Variants in GRM7 observed in about 807,000 individuals in gnomAD.
The protein encoded by GRM7 is glutamate metabotropic receptor 7, also known as metabotropic glutamate receptor 7.
In GRM7, 35 loss-of-function variants were observed where a neutral mutation model predicts 84.5. The observed-to-expected ratio is 0.41, with a 90% confidence interval of 0.32 to 0.55. The LOEUF (loss-of-function observed/expected upper bound fraction) is 0.55, where lower values mean the gene tolerates loss of function less well. Ranked by LOEUF, GRM7 falls within the 20% of genes least tolerant of loss-of-function variation. The probability of loss-of-function intolerance (pLI) is 0.19; values close to 1 mark genes in which losing one functional copy is unlikely to be tolerated. For missense variants in GRM7, 1,003 were observed against 1,194.6 expected, an observed-to-expected ratio of 0.84 and a Z score of 2.36; for synonymous variants, 487 against 455.1, an observed-to-expected ratio of 1.07 and a Z score of -0.89.
intron 1 of GRM7, among the ~76,000 whole-genome samples, chr3:7,061,813 G>A (rs558107911): frequency 6.6e-6 from 1 of 151,746 alleles, no homozygotes; most frequent in South Asian, 2.1e-4. Context: ...TTAAAGCAAG[G>A]CAGCTAAAGT....
intron 9 of GRM7, among the ~76,000 whole-genome samples, chr3:7,722,156 C>T (rs779720130): frequency 5.3e-5 from 8 of 152,168 alleles, no homozygotes; most frequent in Non-Finnish European, 7.3e-5. Flanking sequence ...GGACCCCTTT[C>T]TGTCGAGAGA....
At chr3:7,017,584 G>A (rs769858196) in intron 1 of GRM7, among the ~76,000 whole-genome samples, 13 of 152,062 alleles carry the variant, frequency 8.5e-5, no homozygotes, top group East Asian at 3.9e-4. Flanking sequence ...ATATTTTCCC[G>A]AATCCGATGT....
At chr3:7,111,286 G>T (rs1275848641) in intron 1 of GRM7, among the ~76,000 whole-genome samples, 1 of 152,056 alleles carries the variant, frequency 6.6e-6, no homozygotes, top group Non-Finnish European at 1.5e-5. Context: ...GTTACTTTAG[G>T]ATATACATGG....
chr3:7,007,405 G>C (rs1381555057), intron 1 of GRM7, among the ~76,000 whole-genome samples: 1 of 152,134 alleles, frequency 6.6e-6, no homozygotes, highest in Admixed American at 6.5e-5. Context: ...TCCTGTAGCA[G>C]ATATTATATC....
At chr3:6,875,334 T>G (rs1277024795) in intron 1 of GRM7, among the ~76,000 whole-genome samples, 10 of 152,114 alleles carry the variant, frequency 6.6e-5, no homozygotes, top group Admixed American at 2.0e-4. Flanking sequence ...TGAATTGTAA[T>G]AATCCCCATG....
Position 6,862,911 on chromosome 3 carries a change from A to T in GRM7, c.519+1004A>T. ...CGGAGAAAAAATGGGAGGAAGGCGG[A>T]TCCGGGGCCGCTGAGCGGTGGGTTC... On this transcript the variant is annotated intron_variant, in intron 1 of 9. Coordinates refer to ENST00000357716, the MANE Select transcript of GRM7 (RefSeq NM_000844.4). This position sits in a 1 kb window ranked among gnomAD's most constrained non-coding sequence, Gnocchi z 5.2. 1 of 430,690 alleles carries T rather than the reference A, an allele frequency of 2.3e-6. No homozygotes were observed. Among genetic ancestry groups the T allele is most frequent in the South Asian group, 1.6e-5 (1 of 60,888 alleles). The allele number at this position is 430,690 out of a possible 1,614,324, so 26.7% of individuals were successfully genotyped here.
intron 1 of GRM7, among the ~76,000 whole-genome samples, chr3:7,102,634 T>A (rs910854014): frequency 6.6e-6 from 1 of 151,714 alleles, no homozygotes; most frequent in African/African-American, 2.4e-5. Flanking sequence ...TTCTCCACAT[T>A]TTTTCTACAC....
intron 1 of GRM7, among the ~76,000 whole-genome samples, chr3:6,992,050 T>A (rs1174874702): frequency 6.6e-6 from 1 of 151,112 alleles, no homozygotes; most frequent in Non-Finnish European, 1.5e-5. Context: ...AATTTATACG[T>A]TAGTCACAGA....
intron 1 of GRM7, among the ~76,000 whole-genome samples, chr3:6,955,746 G>T (rs1230647663): frequency 1.3e-5 from 2 of 151,020 alleles, no homozygotes; most frequent in Non-Finnish European, 2.9e-5. Flanking sequence ...GGAGGCTGAG[G>T]CACGAGAATC....
intron 8 of GRM7, among the ~76,000 whole-genome samples, chr3:7,623,967 A>T (rs1050853684): frequency 2.6e-5 from 4 of 152,114 alleles, no homozygotes; most frequent in Non-Finnish European, 5.9e-5. Flanking sequence ...CGGAGAGTAG[A>T]GCCTGTTGAC....
chr3:7,465,314 G>C (rs1452103395), intron 7 of GRM7, among the ~76,000 whole-genome samples: 1 of 152,160 alleles, frequency 6.6e-6, no homozygotes, highest in Non-Finnish European at 1.5e-5. Flanking sequence ...GGGAAAAGAG[G>C]CTGGGTTTAA....
At chr3:7,552,735 A>C (rs373407662) in intron 7 of GRM7, among the ~76,000 whole-genome samples, 3 of 152,204 alleles carry the variant, frequency 2.0e-5, no homozygotes, top group African/African-American at 7.2e-5. Context: ...AAGTCCTGAG[A>C]CTGTGCAAAG....
chr3:7,125,829 C>G (rs564560404), intron 1 of GRM7, among the ~76,000 whole-genome samples: 1 of 152,122 alleles, frequency 6.6e-6, no homozygotes, highest in Non-Finnish European at 1.5e-5. Context: ...TTGCTGTCAT[C>G]TTTGCAACTG....
chr3:6,891,246 T>C (rs969213966), intron 1 of GRM7, among the ~76,000 whole-genome samples: 2 of 152,154 alleles, frequency 1.3e-5, no homozygotes, highest in African/African-American at 4.8e-5. Flanking sequence ...AAAGTTAATA[T>C]TGTTATGTGT....
intron 4 of GRM7, among the ~76,000 whole-genome samples, chr3:7,320,681 A>AGT (rs56313913): frequency 0.11 from 15,146 of 141,038 alleles, 782 homozygotes; most frequent in Admixed American, 0.14. Flanking sequence ...GTGGGTGATC[A>AGT]GTGTGTGTGT....
chr3:7,335,582 A>C (rs959450997), intron 4 of GRM7, among the ~76,000 whole-genome samples: 2 of 152,058 alleles, frequency 1.3e-5, no homozygotes, highest in Non-Finnish European at 2.9e-5. Context: ...AATGAAATTG[A>C]AACAAAAAAA....
intron 4 of GRM7, among the ~76,000 whole-genome samples, chr3:7,352,064 CACA>C (rs1242125252): frequency 3.6e-5 from 3 of 82,488 alleles, no homozygotes; most frequent in African/African-American, 1.1e-4. Context: ...ACACCACACA[CACA>C]CACACACACA....
chr3:7,157,509 T>TC (rs1359938171), intron 2 of GRM7, among the ~76,000 whole-genome samples: 1 of 152,116 alleles, frequency 6.6e-6, no homozygotes, highest in Non-Finnish European at 1.5e-5. Flanking sequence ...TCTTCTTTTT[T>TC]CTTTTTCCTC....
intron 1 of GRM7, among the ~76,000 whole-genome samples, chr3:6,966,107 C>T (rs764896242): frequency 5.9e-5 from 9 of 152,216 alleles, no homozygotes; most frequent in Non-Finnish European, 1.2e-4. Flanking sequence ...GGCTCTCTCC[C>T]AGCCCAGGTC....
Sources: allele counts gnomAD v4.1 joint callset (sites outside exome capture counted in the v4.1 genomes callset), GRCh38; gene constraint gnomAD v4.1.1; non-coding constraint Gnocchi (gnomAD v3.1); transcripts MANE v1.5; gene names NCBI Gene and HGNC (gene_info 2026-07-23, HGNC 2026-07-21).